The following PCDH15 variants were observed in gnomAD, a reference collection of about 807,000 sequenced individuals.
The protein encoded by PCDH15 is protocadherin-15.
A neutral mutation model predicts 178.5 loss-of-function variants in PCDH15; 129 were observed. The observed-to-expected ratio is 0.72, with a 90% CI of 0.63 to 0.84. The LOEUF (loss-of-function observed/expected upper bound fraction) is 0.84, where lower values mean the gene tolerates loss of function less well. Among genes scored for constraint, PCDH15 ranks in the 40% least tolerant of loss-of-function variants. The pLI, the probability that PCDH15 is intolerant of heterozygous loss-of-function variation, is 0.00. For missense variants in PCDH15, 2,230 were observed against 2,099.9 expected, an observed-to-expected ratio of 1.06 and a Z score of -1.21; for synonymous variants, 800 against 732.0, an observed-to-expected ratio of 1.09 and a Z score of -1.50.
chr10:55,033,580 T>C (rs1253649566), intron 2 of PCDH15, among the ~76,000 whole-genome samples: 1 of 152,152 alleles, frequency 6.6e-6, no homozygotes, highest in Non-Finnish European at 1.5e-5. Flanking sequence ...AACATGTAAC[T>C]TGTTTGCTTT....
chr10:54,728,998 C>T (rs995801436), intron 1 of PCDH15, among the ~76,000 whole-genome samples: 2 of 151,336 alleles, frequency 1.3e-5, no homozygotes, highest in African/African-American at 2.4e-5. Flanking sequence ...GCATACTGTC[C>T]AAAGCTACTA....
chr10:54,803,239 C>G (rs981417923), upstream of PCDH15, among the ~76,000 whole-genome samples: 10 of 152,124 alleles, frequency 6.6e-5, no homozygotes, highest in Non-Finnish European at 1.2e-4. Flanking sequence ...CGTGAACATT[C>G]ACTTCTATAA....
intron 32 of PCDH15, chr10:53,821,730 G>GAA: frequency 6.6e-7 from 1 of 1,519,178 alleles, no homozygotes; most frequent in Non-Finnish European, 8.7e-7. Context: ...TTAAAAACGA[G>GAA]AAAAAAAACT....
At chr10:54,803,853 G>A (rs1054997924), upstream of PCDH15, among the ~76,000 whole-genome samples, 1 of 152,024 alleles carries the variant, frequency 6.6e-6, no homozygotes, top group Non-Finnish European at 1.5e-5. Context: ...TTGATGATTA[G>A]AATTTTATTA....
intron 15 of PCDH15, among the ~76,000 whole-genome samples, chr10:54,119,716 C>G (rs556655333): frequency 8.5e-5 from 13 of 152,138 alleles, no homozygotes; most frequent in Non-Finnish European, 1.6e-4. Flanking sequence ...AACATCAATA[C>G]TTAAGAAAAT....
At chr10:55,306,938 T>C (rs1335367284) in intron 1 of PCDH15, among the ~76,000 whole-genome samples, 1 of 135,570 alleles carries the variant, frequency 7.4e-6, no homozygotes, top group African/African-American at 2.8e-5. Context: ...TTTGAATACC[T>C]GATAGAGAAA....
intron 2 of PCDH15, among the ~76,000 whole-genome samples, chr10:55,033,495 C>A (rs1840661215): frequency 6.6e-6 from 1 of 152,144 alleles, no homozygotes; most frequent in Non-Finnish European, 1.5e-5. Context: ...ACCTATTACC[C>A]CTTTCTTCTT....
At chr10:53,823,401 T>C in intron 32 of PCDH15, 1 of 1,556,962 alleles carries the variant, frequency 6.4e-7, no homozygotes, top group Non-Finnish European at 8.9e-7. Flanking sequence ...AAACAAGTTG[T>C]GACACAGCTT....
At chr10:54,216,061 AAAAAAAAG>A (rs2052021692) in intron 9 of PCDH15, among the ~76,000 whole-genome samples, 1 of 150,692 alleles carries the variant, frequency 6.6e-6, no homozygotes, top group Non-Finnish European at 1.5e-5. Context: ...AAAAAAAAAA[AAAAAAAAG>A]AGAAATTTAT....
chr10:53,837,342 C>T (rs947713696), intron 29 of PCDH15, among the ~76,000 whole-genome samples: 2 of 151,934 alleles, frequency 1.3e-5, no homozygotes, highest in African/African-American at 4.8e-5. Context: ...ATAATTATTG[C>T]ATAAAATCTA....
At chr10:54,592,069 C>T (rs2091922224) in intron 2 of PCDH15, among the ~76,000 whole-genome samples, 1 of 152,110 alleles carries the variant, frequency 6.6e-6, no homozygotes, top group African/African-American at 2.4e-5. Context: ...ATAGCAGCAT[C>T]TTACATTTGT....
At chr10:55,408,348 A>C (rs1838253111) in intron 2 of PCDH15, among the ~76,000 whole-genome samples, 1 of 151,626 alleles carries the variant, frequency 6.6e-6, no homozygotes, top group Non-Finnish European at 1.5e-5. Flanking sequence ...ACCACGCCCT[A>C]CTATTTTTTG....
chr10:55,036,371 A>G (rs1840734220), intron 2 of PCDH15, among the ~76,000 whole-genome samples: 1 of 152,212 alleles, frequency 6.6e-6, no homozygotes, highest in Non-Finnish European at 1.5e-5. Context: ...AAATCGCACT[A>G]AAGCCATACT....
At chr10:54,376,347 A>T (rs1157818062) in intron 4 of PCDH15, among the ~76,000 whole-genome samples, 4 of 151,146 alleles carry the variant, frequency 2.6e-5, no homozygotes, top group Non-Finnish European at 4.4e-5. Context: ...GTTATTTAAT[A>T]ATAATGTATA....
intron 2 of PCDH15, among the ~76,000 whole-genome samples, chr10:54,898,684 G>A (rs1482959320): frequency 6.6e-6 from 1 of 152,054 alleles, no homozygotes; most frequent in Non-Finnish European, 1.5e-5. Flanking sequence ...CCTGGAATGA[G>A]GCAGACTCCT....
intron 2 of PCDH15, among the ~76,000 whole-genome samples, chr10:55,424,853 A>G (rs1288984927): frequency 6.6e-6 from 1 of 151,918 alleles, no homozygotes; most frequent in Non-Finnish European, 1.5e-5. Flanking sequence ...AAAGATAGCC[A>G]TTAATTGGCA....
At chr10:53,885,280 T>G (rs2081010386) in intron 26 of PCDH15, among the ~76,000 whole-genome samples, 1 of 152,116 alleles carries the variant, frequency 6.6e-6, no homozygotes, top group Non-Finnish European at 1.5e-5. Flanking sequence ...CTACTTTAAT[T>G]AAGAGAACTT....
intron 1 of PCDH15, among the ~76,000 whole-genome samples, chr10:55,201,960 A>G (rs983075868): frequency 6.6e-6 from 1 of 152,116 alleles, no homozygotes; most frequent in Non-Finnish European, 1.5e-5. Context: ...CCCTAGGTTT[A>G]GAAAATTCTG....
At chr10:55,472,359 A>C (rs1298547076) in intron 2 of PCDH15, among the ~76,000 whole-genome samples, 1 of 151,156 alleles carries the variant, frequency 6.6e-6, no homozygotes, top group African/African-American at 2.4e-5. Context: ...CATTATGATT[A>C]TGTTTCTTCA....
Sources: allele counts gnomAD v4.1 joint callset (sites outside exome capture counted in the v4.1 genomes callset), GRCh38; gene constraint gnomAD v4.1.1; transcripts MANE v1.5; gene names NCBI Gene and HGNC (gene_info 2026-07-23, HGNC 2026-07-21).